The following SCARA5 variants were observed in gnomAD, a reference collection of about 807,000 sequenced individuals.
SCARA5 encodes the protein scavenger receptor class A member 5, also known as scavenger receptor class A, member 5 (putative).
A neutral mutation model predicts 46.3 loss-of-function variants in SCARA5; 45 were observed. That is an observed-to-expected ratio of 0.97 (90% CI 0.76 to 1.24). SCARA5 has a LOEUF of 1.24. Ranked by LOEUF, SCARA5 falls within the 50% of genes most tolerant of loss-of-function variation. The pLI, the probability that SCARA5 is intolerant of heterozygous loss-of-function variation, is 0.00. For synonymous variants in SCARA5, 333 were observed against 306.5 expected (o/e 1.09, Z -0.90); for missense variants, 680 against 689.0 (o/e 0.99, Z 0.15).
intron 4 of SCARA5, among the ~76,000 whole-genome samples, chr8:27,920,945 C>G (rs1226861641): frequency 6.6e-6 from 1 of 152,244 alleles, no homozygotes; most frequent in East Asian, 1.9e-4. Flanking sequence ...CACTACACTC[C>G]AGCCTGGGCT....
At chr8:27,962,085 T>C (rs1297154695) in intron 3 of SCARA5, among the ~76,000 whole-genome samples, 2 of 152,064 alleles carry the variant, frequency 1.3e-5, no homozygotes, top group South Asian at 2.1e-4. Context: ...GAGATGCAGG[T>C]AAAGAAGATC....
intron 3 of SCARA5, among the ~76,000 whole-genome samples, chr8:27,953,658 A>T (rs961949509): frequency 2.6e-5 from 4 of 152,236 alleles, no homozygotes; most frequent in African/African-American, 9.6e-5. Context: ...ACTCAGAGTT[A>T]TGAGAACACA....
intron 2 of SCARA5, among the ~76,000 whole-genome samples, chr8:27,981,734 GAGACCTGGA>G: frequency 6.6e-6 from 1 of 152,338 alleles, no homozygotes; most frequent in East Asian, 1.9e-4. Flanking sequence ...TTGGGCAAGA[GAGACCTGGA>G]ACACGCCTGG....
At chr8:27,921,478 C>A (rs1807582571) in intron 4 of SCARA5, 93 bp downstream of exon 4, 3 of 1,089,598 alleles carry the variant, frequency 2.8e-6, no homozygotes, top group Non-Finnish European at 3.8e-6. Flanking sequence ...TGGGGTGGGG[C>A]TGGGGTACTC....
intron 7 of SCARA5, among the ~76,000 whole-genome samples, chr8:27,890,831 A>C (rs1204773615): frequency 6.6e-6 from 1 of 152,216 alleles, no homozygotes; most frequent in Admixed American, 6.5e-5. Flanking sequence ...ATGTCTAAAC[A>C]TGTATCGATC....
chr8:27,986,648 T>C (rs7835648), intron 2 of SCARA5, among the ~76,000 whole-genome samples: 35,492 of 152,058 alleles, frequency 0.23, 6,002 homozygotes, highest in African/African-American at 0.48. Flanking sequence ...GTTCTTTCCC[T>C]ACACTCAGCG....
At chr8:27,925,148 A>C (rs191962106) in intron 3 of SCARA5, among the ~76,000 whole-genome samples, 16 of 152,360 alleles carry the variant, frequency 1.1e-4, no homozygotes, top group Admixed American at 5.2e-4. Context: ...TTTAAAGTTC[A>C]CATGGAACCA....
chr8:27,947,007 T>C (rs1336884380), intron 3 of SCARA5, among the ~76,000 whole-genome samples: 1 of 151,530 alleles, frequency 6.6e-6, no homozygotes, highest in African/African-American at 2.4e-5. Context: ...CAGAATATCC[T>C]GTTGGGCTTT....
At chr8:27,872,416 C>T (rs1322344534) in intron 8 of SCARA5, among the ~76,000 whole-genome samples, 2 of 152,200 alleles carry the variant, frequency 1.3e-5, no homozygotes, top group Non-Finnish European at 2.9e-5. Flanking sequence ...AATCCCTTTA[C>T]AAAGAATGTC....
Position 27,936,670 on chromosome 8 carries a change from C to G in SCARA5, c.242-14425G>C, listed in dbSNP as rs1181437503. ...TGGCTGCAACCCAGATGCCCATCATCTGCAAATAAACCCTGTCTCTGGCAC... is the reference window on the plus strand; with the variant it reads ...TGGCTGCAACCCAGATGCCCATCATGTGCAAATAAACCCTGTCTCTGGCAC... On this transcript the variant is annotated intron_variant, in intron 3 of 8. Transcript: ENST00000354914. 2.0e-5 allele frequency among the ~76,000 whole-genome samples: 3 copies of G among 146,576 alleles called. No homozygotes were observed. The East Asian group carries it at 6.4e-4, about 31-fold the overall frequency.
chr8:27,964,662 G>C (rs766930092), intron 3 of SCARA5, among the ~76,000 whole-genome samples: 2 of 152,000 alleles, frequency 1.3e-5, no homozygotes, highest in Non-Finnish European at 2.9e-5. Context: ...GGGTCACATA[G>C]AGTATGTCTA....
chr8:27,928,145 A>G (rs1807711460), intron 3 of SCARA5, among the ~76,000 whole-genome samples: 1 of 152,156 alleles, frequency 6.6e-6, no homozygotes, highest in South Asian at 2.1e-4. Flanking sequence ...CTCTGCTTAC[A>G]CACCACCACC....
chr8:27,935,989 A>G (rs1479027347), intron 3 of SCARA5, among the ~76,000 whole-genome samples: 1 of 152,170 alleles, frequency 6.6e-6, no homozygotes, highest in Non-Finnish European at 1.5e-5. Flanking sequence ...CTAGCTCAGC[A>G]GGAAACATAA....
intron 3 of SCARA5, among the ~76,000 whole-genome samples, chr8:27,962,706 C>G (rs1292583903): frequency 6.6e-6 from 1 of 152,198 alleles, no homozygotes; most frequent in African/African-American, 2.4e-5. Context: ...TTTCCCCAAC[C>G]ATTCCAGCCC....
intron 7 of SCARA5, among the ~76,000 whole-genome samples, chr8:27,899,265 A>G (rs1455665507): frequency 2.6e-5 from 4 of 152,190 alleles, no homozygotes; most frequent in Non-Finnish European, 5.9e-5. Flanking sequence ...ATAGTGGGAC[A>G]CCCAGCTGGG....
At chr8:27,977,119 A>G (rs542232298) in intron 2 of SCARA5, among the ~76,000 whole-genome samples, 2 of 152,206 alleles carry the variant, frequency 1.3e-5, no homozygotes, top group African/African-American at 4.8e-5. Context: ...CTCCCATGGC[A>G]GCAAGAGAGT....
rs938694387 is a variant in SCARA5, at chr8:27,959,649, C to G, written c.241+6765G>C. Among the ~76,000 whole-genome samples, 36 of 152,170 alleles carry G rather than the reference C, an allele frequency of 2.4e-4. 1 individual carries two copies. Among genetic ancestry groups the G allele is most frequent in the Admixed American group, 2.2e-3 (33 of 15,288 alleles). On this transcript the variant is annotated intron_variant, in intron 3 of 8. Coordinates refer to ENST00000354914, the MANE Select transcript of SCARA5 (RefSeq NM_173833.6). ...TGTTACCAACTCACTGATGAGCAAT[C>G]GTGAGGATGAGGAGAATGCCTTGTT...
intron 2 of SCARA5, among the ~76,000 whole-genome samples, chr8:27,984,627 T>TCCATCCATTCATTCAC (rs1447455374): frequency 1.3e-5 from 2 of 151,956 alleles, no homozygotes; most frequent in East Asian, 3.9e-4. Flanking sequence ...CATGCATCCA[T>TCCATCCATTCATTCAC]CCATCCATTC....
At chr8:27,970,839 GT>G (rs1808437327) in intron 2 of SCARA5, among the ~76,000 whole-genome samples, 1 of 152,138 alleles carries the variant, frequency 6.6e-6, no homozygotes, top group Admixed American at 6.5e-5. Flanking sequence ...ATAGACATAT[GT>G]GTGTGCAAAA....
Sources: gnomAD v4.1 joint callset for allele counts (sites outside exome capture counted in the v4.1 genomes callset) on GRCh38, gnomAD v4.1.1 for gene constraint, MANE v1.5 for transcripts, NCBI Gene and HGNC (gene_info 2026-07-23, HGNC 2026-07-21) for gene names.